The following TENM1 variants were observed in gnomAD, a reference collection of about 807,000 sequenced individuals.
TENM1 encodes the protein teneurin transmembrane protein 1.
In TENM1, 35 loss-of-function variants were observed where a neutral mutation model predicts 174.8. The ratio of observed to expected loss-of-function variants is 0.20; its 90% CI spans 0.15 to 0.27. TENM1 has a LOEUF of 0.27. Among genes scored for constraint, TENM1 ranks in the 10% least tolerant of loss-of-function variants. The probability of loss-of-function intolerance (pLI) is 1.00; values close to 1 mark genes in which losing one functional copy is unlikely to be tolerated. For missense variants in TENM1, 1,633 were observed against 2,130.1 expected (o/e 0.77, Z 4.59); for synonymous variants, 781 against 798.7 (o/e 0.98, Z 0.37).
chrX:124,719,208 A>G (rs1307849366), intron 4 of TENM1, among the ~76,000 whole-genome samples: 1 of 110,427 alleles, frequency 9.1e-6, no homozygotes, highest in Non-Finnish European at 1.9e-5. Context: ...TTCCTCCCCA[A>G]GCTCACAGCT....
chrX:124,755,444 T>C (rs1435242280), intron 3 of TENM1, among the ~76,000 whole-genome samples: 2 of 111,171 alleles, frequency 1.8e-5, no homozygotes, highest in Non-Finnish European at 3.8e-5. Context: ...CTTTATCCAA[T>C]TTGCCAGTCT....
chrX:124,925,066 T>A (rs969857306), intron 1 of TENM1, among the ~76,000 whole-genome samples: 1 of 109,745 alleles, frequency 9.1e-6, no homozygotes, highest in African/African-American at 3.3e-5. Flanking sequence ...GAGATCCCAT[T>A]GTTTACTGCT....
the TENM1 span, among the ~76,000 whole-genome samples, chrX:125,112,611 A>C: frequency 3.9e-4 from 43 of 111,661 alleles, 1 homozygote; most frequent in Admixed American, 3.8e-3. Flanking sequence ...GAACACTTGA[A>C]ATTTCAGATC....
At chrX:124,414,262 C>T (rs151240437) in intron 25 of TENM1, among the ~76,000 whole-genome samples, 3 of 111,687 alleles carry the variant, frequency 2.7e-5, no homozygotes, top group African/African-American at 9.8e-5. Context: ...CCTGACGAAC[C>T]GTCAACTCAG....
chrX:124,430,875 G>A (rs1294870449), intron 23 of TENM1, among the ~76,000 whole-genome samples: 1 of 111,718 alleles, frequency 9.0e-6, no homozygotes, highest in Non-Finnish European at 1.9e-5. Context: ...ACTGTTAATT[G>A]TAATAGTACT....
intron 27 of TENM1, among the ~76,000 whole-genome samples, chrX:124,400,580 C>T (rs1180037910): frequency 8.9e-6 from 1 of 111,835 alleles, no homozygotes; most frequent in Admixed American, 9.5e-5. Context: ...AGTGCTAAGC[C>T]CCCTCCATTG....
Position 124,392,176 on chromosome X carries a change from G to A in TENM1, c.5564C>T (p.Ser1855Leu), listed in dbSNP as rs149944014. ...TCTTTGAATAAACGTCACCAATCCC[G>A]AAGGTGAATATGTGATGTTCACTTC... The change falls in exon 28 of 32, where the codon TCG becomes TTG. Residue 1855 changes from serine (S) to leucine (L), a missense_variant. Ser to Leu is a moderately radical substitution (Grantham distance 145). This residue lies in a region of TENM1 where 807 missense variants were observed against 1,125.3 expected (regional missense o/e 0.72). Transcript: ENST00000422452. The A allele has an allele frequency of 9.9e-6, 12 of 1,208,862 alleles. No homozygotes were observed. Among genetic ancestry groups the A allele is most frequent in the African/African-American group, 5.3e-5 (3 of 57,006 alleles).
chrX:124,980,557 G>C, the TENM1 span, among the ~76,000 whole-genome samples: 3 of 110,898 alleles, frequency 2.7e-5, no homozygotes, highest in Non-Finnish European at 5.7e-5. Context: ...AGTATCTGAT[G>C]ATGTAGGAAA....
At chrX:124,683,492 A>T (rs1432933159) in intron 5 of TENM1, among the ~76,000 whole-genome samples, 1 of 112,045 alleles carries the variant, frequency 8.9e-6, no homozygotes, top group Non-Finnish European at 1.9e-5. Flanking sequence ...TAGCCTGATT[A>T]TTCAAGCTAT....
At chrX:124,945,996 T>C (rs1347337328) in intron 1 of TENM1, among the ~76,000 whole-genome samples, 1 of 111,700 alleles carries the variant, frequency 9.0e-6, no homozygotes, top group African/African-American at 3.3e-5. Flanking sequence ...GAGGCAGTCA[T>C]GAATGATTCT....
chrX:124,500,064 A>C (rs2147988792), intron 19 of TENM1, among the ~76,000 whole-genome samples: 1 of 111,732 alleles, frequency 8.9e-6, no homozygotes, highest in African/African-American at 3.2e-5. Flanking sequence ...CATTCTTCTA[A>C]GCCTGCAATT....
At chrX:124,803,907 T>C (rs1207734951) in intron 3 of TENM1, among the ~76,000 whole-genome samples, 2 of 112,393 alleles carry the variant, frequency 1.8e-5, no homozygotes, top group Non-Finnish European at 3.8e-5. Context: ...ACTTGAAGCA[T>C]TGGGTAATTA....
chrX:124,507,194 G>A (rs1187531469), intron 18 of TENM1, among the ~76,000 whole-genome samples: 1 of 111,774 alleles, frequency 8.9e-6, no homozygotes, highest in Non-Finnish European at 1.9e-5. Context: ...AAGTGGATAA[G>A]GGGTCCTGGA....
At chrX:124,637,094 T>C (rs1173292695) in intron 11 of TENM1, among the ~76,000 whole-genome samples, 2 of 100,663 alleles carry the variant, frequency 2.0e-5, no homozygotes, top group African/African-American at 7.3e-5. Context: ...TCTTTCTTTC[T>C]TTTTTTTTTT....
chrX:124,493,323 A>G (rs947052095), intron 20 of TENM1, among the ~76,000 whole-genome samples: 6 of 111,990 alleles, frequency 5.4e-5, no homozygotes, highest in South Asian at 3.7e-4. Flanking sequence ...TCTCATCAAT[A>G]AATGACAATT....
At chrX:124,981,956 TA>T in the TENM1 span, among the ~76,000 whole-genome samples, 11,115 of 26,803 alleles carry the variant, frequency 0.41, 1,701 homozygotes, top group Admixed American at 0.47. Context: ...TAGAGTATAA[TA>T]AAAAAAAAAA....
chrX:124,810,922 A>G (rs900661713), intron 3 of TENM1, among the ~76,000 whole-genome samples: 1 of 111,814 alleles, frequency 8.9e-6, no homozygotes, highest in Non-Finnish European at 1.9e-5. Flanking sequence ...ATTTTTGACA[A>G]AGGCAACAAG....
chrX:124,933,426 G>A (rs1225427576), intron 1 of TENM1, among the ~76,000 whole-genome samples: 1 of 112,197 alleles, frequency 8.9e-6, no homozygotes, highest in East Asian at 2.8e-4. Context: ...GATTTATCAA[G>A]AGTGATTAGA....
At chrX:125,040,782 G>T in the TENM1 span, among the ~76,000 whole-genome samples, 2 of 110,821 alleles carry the variant, frequency 1.8e-5, no homozygotes, top group Admixed American at 1.9e-4. Context: ...CCTTTCCTCT[G>T]ATGTTAAAAG....
Sources: gnomAD v4.1 joint callset for allele counts (sites outside exome capture counted in the v4.1 genomes callset) on GRCh38, gnomAD v4.1.1 for gene constraint, gnomAD v4.1.1 regional missense constraint, MANE v1.5 for transcripts, NCBI Gene and HGNC (gene_info 2026-07-23, HGNC 2026-07-21) for gene names.